Variants in PRLR observed in about 807,000 individuals in gnomAD.
The protein encoded by PRLR is prolactin receptor, also known as hPRL receptor.
Under a neutral mutation model 40.2 loss-of-function variants are expected in PRLR, and 13 were observed. The observed-to-expected ratio is 0.32, with a 90% CI of 0.21 to 0.51. PRLR has a LOEUF of 0.51. PRLR is among the 20% of genes least tolerant of loss of function. The pLI is 0.97. For missense variants in PRLR, 656 were observed against 747.3 expected (o/e 0.88, Z 1.42); for synonymous variants, 269 against 278.7 (o/e 0.97, Z 0.35).
chr5:35,219,836 C>T (rs528714825), intron 1 of PRLR, among the ~76,000 whole-genome samples: 3 of 152,144 alleles, frequency 2.0e-5, no homozygotes, highest in South Asian at 4.1e-4. Flanking sequence ...TTTTAAATAG[C>T]ACTAGATATT....
rs1274371667 is a variant in PRLR, at chr5:35,065,601, C to T, written c.1357G>A (p.Glu453Lys). 2 of 1,614,140 alleles carry T rather than the reference C, an allele frequency of 1.2e-6. No individual in the cohort carries two copies. The highest frequency in any genetic ancestry group is 1.7e-6 in the Non-Finnish European group (2 of 1,180,020). ...PAGAPATLLN[E>K]AGKDALKSSQ... ...GATTTTAAAGCATCTTTACCTGCTT[C>T]ATTCAACAGAGTGGCCGGTGCACCT... Residue 453 changes from glutamate (E) to lysine (K), a missense_variant, in exon 10 of 10, where the codon GAA (glutamate) becomes AAA (lysine). Glu to Lys is a moderately conservative substitution (Grantham distance 56). Transcript: ENST00000618457.
At chr5:35,191,804 G>A (rs559828900) in intron 1 of PRLR, among the ~76,000 whole-genome samples, 5 of 152,214 alleles carry the variant, frequency 3.3e-5, no homozygotes, top group Admixed American at 6.5e-5. Flanking sequence ...CCCCCACCAC[G>A]GGTCTCACTT....
At chr5:35,229,431 G>T (rs920419726) in intron 1 of PRLR, among the ~76,000 whole-genome samples, 3 of 152,136 alleles carry the variant, frequency 2.0e-5, no homozygotes, top group African/African-American at 4.8e-5. Flanking sequence ...CCAGGATACA[G>T]GTAGAGGTCA....
At chr5:35,055,531 C>T (rs576052923), downstream of PRLR, among the ~76,000 whole-genome samples, 12 of 150,654 alleles carry the variant, frequency 8.0e-5, no homozygotes, top group East Asian at 2.0e-4. Flanking sequence ...TAAATGTTTT[C>T]GCATATGTCT....
intron 1 of PRLR, among the ~76,000 whole-genome samples, chr5:35,226,982 T>C (rs1448802250): frequency 1.3e-5 from 2 of 152,200 alleles, no homozygotes; most frequent in Non-Finnish European, 2.9e-5. Context: ...GTAAGTGGTG[T>C]TCTGATTCTA....
intron 1 of PRLR, among the ~76,000 whole-genome samples, chr5:35,158,682 C>T (rs184778902): frequency 3.0e-4 from 45 of 152,178 alleles, no homozygotes; most frequent in African/African-American, 9.1e-4. Flanking sequence ...AGAGTGAGAA[C>T]ATGACTCAAG....
At chr5:35,072,477 G>T in intron 6 of PRLR, 98 bp downstream of exon 6, 1 of 1,385,036 alleles carries the variant, frequency 7.2e-7, no homozygotes, top group Non-Finnish European at 9.9e-7. Context: ...GGCCAACACA[G>T]TGACCCAGTA....
chr5:35,154,542 G>T (rs1011416781), intron 1 of PRLR, among the ~76,000 whole-genome samples: 3 of 152,234 alleles, frequency 2.0e-5, no homozygotes, highest in African/African-American at 7.2e-5. Context: ...CTGTTGGTGG[G>T]AGTGTAAATT....
downstream of PRLR, among the ~76,000 whole-genome samples, chr5:35,052,877 C>T (rs920976987): frequency 7.9e-5 from 12 of 152,154 alleles, no homozygotes; most frequent in East Asian, 7.7e-4. Flanking sequence ...CAAGGCTGTC[C>T]GTACTTTGTT....
At chr5:35,103,850 G>A (rs558682926) in intron 2 of PRLR, among the ~76,000 whole-genome samples, 1 of 152,290 alleles carries the variant, frequency 6.6e-6, no homozygotes, top group African/African-American at 2.4e-5. Context: ...AAATGGCTTG[G>A]GATGCTTTCA....
In PRLR at chr5:35,068,835, G is replaced by A; in HGVS notation, c.729C>T (p.Val243=). 1 of 1,603,300 alleles carries A rather than the reference G, an allele frequency of 6.2e-7. No homozygotes were observed. The highest frequency in any genetic ancestry group is 1.4e-5 in the African/African-American group (1 of 73,784). ...TAATCAAACAGATGACAGCAGAAAG[G>A]ACAGCCACAGAGATCCACACGGTTG... is the stretch of plus-strand genomic sequence containing the variant. ...NDTTVWISVA[V]LSAVICLIIV... Residue 243 remains valine (V), a synonymous_variant, in exon 8 of 10, where the codon GTC becomes GTT. Transcript: ENST00000618457.
At chr5:35,143,325 G>A (rs1022057570) in intron 1 of PRLR, among the ~76,000 whole-genome samples, 16 of 152,158 alleles carry the variant, frequency 1.1e-4, no homozygotes, top group Non-Finnish European at 2.2e-4. Context: ...AAAACTTTAT[G>A]AAAATAGACC....
Position 35,070,156 on chromosome 5 carries a change from C to G in PRLR, c.653G>C (p.Trp218Ser), listed in dbSNP as rs1378535336. 1 of 1,613,680 alleles carries G rather than the reference C, an allele frequency of 6.2e-7. No individual in the cohort carries two copies. Among genetic ancestry groups the G allele is most frequent in the Non-Finnish European group, 8.5e-7 (1 of 1,179,962 alleles). ...TATCTGAATGAAGGTCGCTGGACTC[C>G]ATGCACTCCAGTATCCATGGTCTGG... ...CKPDHGYWSA[W>S]SPATFIQIPS... is the part of the protein sequence containing the mutation. Residue 218 changes from tryptophan to serine, a missense_variant, in exon 7 of 10, where the codon TGG becomes TCG. This residue lies in a region of PRLR where 469 missense variants were observed against 491.5 expected (regional missense o/e 0.95). Transcript: ENST00000618457.
chr5:35,176,621 C>T (rs1041075290), intron 1 of PRLR, among the ~76,000 whole-genome samples: 147 of 138,174 alleles, frequency 1.1e-3, no homozygotes, highest in South Asian at 4.1e-3. Flanking sequence ...GAAGGCAGCA[C>T]GCTCCTTAAG....
intron 9 of PRLR, among the ~76,000 whole-genome samples, chr5:35,067,893 A>G (rs772909976): frequency 6.6e-6 from 1 of 152,232 alleles, no homozygotes; most frequent in African/African-American, 2.4e-5. Context: ...TTTTGCATTA[A>G]TCAAAATATT....
Position 35,180,497 on chromosome 5 carries a change from C to T in PRLR, c.-106+49771G>A, listed in dbSNP as rs940787263. 1.4e-4 allele frequency among the ~76,000 whole-genome samples: 22 copies of T among 152,136 alleles called. 1 individual carries two copies. Among genetic ancestry groups the T allele is most frequent in the Non-Finnish European group, 4.4e-5 (3 of 68,036 alleles). On this transcript the variant is annotated intron_variant, in intron 1 of 9. Coordinates refer to ENST00000618457, the MANE Select transcript of PRLR (RefSeq NM_000949.7). The stretch of plus-strand genomic sequence containing the variant: ...CATGATTGTAAGTTTCCCGAGGCCT[C>T]CACAGAAGCTGAACAGATGCCAGTA...
At chr5:35,226,700 T>G (rs1776562594) in intron 1 of PRLR, among the ~76,000 whole-genome samples, 1 of 152,232 alleles carries the variant, frequency 6.6e-6, no homozygotes, top group Non-Finnish European at 1.5e-5. Context: ...TTCTCTGACT[T>G]CCCTGTTGAA....
intron 1 of PRLR, among the ~76,000 whole-genome samples, chr5:35,134,899 C>G (rs1175774196): frequency 6.6e-6 from 1 of 152,148 alleles, no homozygotes; most frequent in Non-Finnish European, 1.5e-5. Context: ...TAATGTGGAG[C>G]AAAGTTTGAG....
chr5:35,052,952 T>C (rs1174099701), downstream of PRLR, among the ~76,000 whole-genome samples: 2 of 152,230 alleles, frequency 1.3e-5, no homozygotes, highest in South Asian at 2.1e-4. Flanking sequence ...AAGGCTCCCA[T>C]GTCACATAAA....
Sources: gnomAD v4.1 joint callset for allele counts (sites outside exome capture counted in the v4.1 genomes callset) on GRCh38, gnomAD v4.1.1 for gene constraint, gnomAD v4.1.1 regional missense constraint, MANE v1.5 for transcripts, NCBI Gene and HGNC (gene_info 2026-07-23, HGNC 2026-07-21) for gene names.